Variants in BBX observed in about 807,000 individuals in gnomAD.
BBX encodes BBX high mobility group box domain containing.
BBX carries 30 observed loss-of-function variants against 100.2 expected under a neutral mutation model. The observed-to-expected ratio is 0.30, with a 90% CI of 0.22 to 0.41. The LOEUF is 0.41. Among genes scored for constraint, BBX ranks in the 10% least tolerant of loss-of-function variants. BBX has a pLI of 1.00. For missense variants in BBX, 1,023 were observed against 1,129.8 expected, an observed-to-expected ratio of 0.91 and a Z score of 1.35; for synonymous variants, 376 against 388.1, an observed-to-expected ratio of 0.97 and a Z score of 0.37.
At chr3:107,748,795 C>T (rs1439104885) in intron 9 of BBX, among the ~76,000 whole-genome samples, 3 of 152,062 alleles carry the variant, frequency 2.0e-5, no homozygotes, top group African/African-American at 7.2e-5. Flanking sequence ...CTAAAAAATG[C>T]ATGTCATAAA....
At chr3:107,715,113 G>A (rs753420216) in intron 4 of BBX, among the ~76,000 whole-genome samples, 9 of 152,122 alleles carry the variant, frequency 5.9e-5, no homozygotes, top group Non-Finnish European at 1.2e-4. Context: ...GTTGGATTAA[G>A]CAGGTGATTA....
At chr3:107,753,665 C>CA (rs1261718408) in intron 9 of BBX, among the ~76,000 whole-genome samples, 2 of 152,120 alleles carry the variant, frequency 1.3e-5, no homozygotes, top group African/African-American at 4.8e-5. Flanking sequence ...GAGTGACACA[C>CA]ACGGGGAACA....
In BBX at chr3:107,774,806, G is replaced by A. The variant is rs1413160328; in HGVS notation, c.2003G>A (p.Ser668Asn). The A allele has an allele frequency of 6.2e-7, 1 of 1,613,636 alleles. No individual in the cohort carries two copies. Among genetic ancestry groups the A allele is most frequent in the East Asian group, 2.2e-5 (1 of 44,868 alleles). Residue 668 changes from serine (S) to asparagine (N), a missense_variant, in exon 12 of 18, where the codon AGT becomes AAT. Around this residue, in one of 9 missense-constraint regions of BBX, gnomAD observed 215 missense variants for 211.3 expected, o/e 1.02. Coordinates refer to ENST00000325805, the MANE Select transcript of BBX (RefSeq NM_001142568.3). ...ESWTFSQSGTSGSKKFKKTKP... is the reference protein window; with the variant it reads ...ESWTFSQSGTNGSKKFKKTKP... The stretch of plus-strand genomic sequence containing the variant: ...TGGACATTTAGTCAGAGTGGGACCA[G>A]TGGGAGCAAGAAGTTCAAGAAGACA...
intron 2 of BBX, among the ~76,000 whole-genome samples, chr3:107,543,142 A>G (rs2048980595): frequency 6.6e-6 from 1 of 152,224 alleles, no homozygotes; most frequent in African/African-American, 2.4e-5. Context: ...GATTCAGATA[A>G]CTTAAATCCA....
chr3:107,581,507 A>G (rs1238791060), intron 2 of BBX, among the ~76,000 whole-genome samples: 1 of 151,644 alleles, frequency 6.6e-6, no homozygotes, highest in Non-Finnish European at 1.5e-5. Flanking sequence ...TACTTTGCAT[A>G]TACTAGATAG....
intron 2 of BBX, among the ~76,000 whole-genome samples, chr3:107,577,150 C>T (rs561993362): frequency 5.9e-5 from 9 of 152,264 alleles, no homozygotes; most frequent in Middle Eastern, 3.4e-3. Flanking sequence ...TAAGCGCTAC[C>T]GTGCCTGGCT....
chr3:107,789,092 T>C (rs1388788279), intron 13 of BBX, among the ~76,000 whole-genome samples: 1 of 152,058 alleles, frequency 6.6e-6, no homozygotes, highest in Non-Finnish European at 1.5e-5. Context: ...AGGCAGAGCA[T>C]GTAGTTGCAG....
At chr3:107,760,511 G>A (rs574284126) in intron 10 of BBX, among the ~76,000 whole-genome samples, 3 of 152,320 alleles carry the variant, frequency 2.0e-5, no homozygotes, top group African/African-American at 7.2e-5. Context: ...CTGTCCTCAA[G>A]GAGCTTATTC....
intron 2 of BBX, among the ~76,000 whole-genome samples, chr3:107,544,637 A>G (rs1200565698): frequency 3.3e-5 from 5 of 152,100 alleles, no homozygotes; most frequent in Non-Finnish European, 7.4e-5. Context: ...TGGGAAGGCC[A>G]AGGCGGGCAG....
chr3:107,690,939 A>G (rs1449368547), intron 3 of BBX, among the ~76,000 whole-genome samples: 1 of 99,492 alleles, frequency 1.0e-5, no homozygotes, highest in Non-Finnish European at 1.8e-5. Flanking sequence ...TCATTCTGTT[A>G]CCCAGGCTGA....
chr3:107,789,966 CT>C, intron 14 of BBX, 90 bp downstream of exon 14: 1 of 1,014,210 alleles, frequency 9.9e-7, no homozygotes, highest in Non-Finnish European at 1.4e-6. Context: ...CTGCCTTTGC[CT>C]TGTCCTCCCC....
At chr3:107,758,518 CCT>C (rs2065657234) in intron 10 of BBX, among the ~76,000 whole-genome samples, 1 of 152,058 alleles carries the variant, frequency 6.6e-6, no homozygotes, top group Admixed American at 6.5e-5. Flanking sequence ...GGTAGAGATG[CCT>C]TTGCTCGGGA....
intron 2 of BBX, among the ~76,000 whole-genome samples, chr3:107,543,902 G>A (rs1252939478): frequency 6.6e-6 from 1 of 152,176 alleles, no homozygotes; most frequent in Non-Finnish European, 1.5e-5. Context: ...TGTGTACTGC[G>A]ACGCCTCATG....
chr3:107,700,181 G>A (rs1199086768), intron 3 of BBX, among the ~76,000 whole-genome samples: 4 of 151,768 alleles, frequency 2.6e-5, no homozygotes, highest in Non-Finnish European at 5.9e-5. Flanking sequence ...ATAAACTATT[G>A]ACAGTTCATC....
chr3:107,774,666 C>G, intron 11 of BBX, 53 bp from the exon 12 acceptor site: 1 of 1,570,508 alleles, frequency 6.4e-7, no homozygotes, highest in East Asian at 2.2e-5. Context: ...CTAACATCAT[C>G]TCCCCTCGCC....
At chr3:107,793,988 TG>T (rs2069332015) in intron 15 of BBX, among the ~76,000 whole-genome samples, 1 of 152,114 alleles carries the variant, frequency 6.6e-6, no homozygotes, top group Non-Finnish European at 1.5e-5. Flanking sequence ...TCGGTATATA[TG>T]TATTAAAAAA....
At chr3:107,649,678 T>TG (rs1262894931) in intron 3 of BBX, among the ~76,000 whole-genome samples, 2 of 152,216 alleles carry the variant, frequency 1.3e-5, no homozygotes, top group Non-Finnish European at 2.9e-5. Context: ...TCCACACACC[T>TG]GCCAAGGGTT....
intron 10 of BBX, among the ~76,000 whole-genome samples, chr3:107,765,786 G>A (rs372413272): frequency 6.6e-6 from 1 of 152,164 alleles, no homozygotes; most frequent in African/African-American, 2.4e-5. Context: ...ATGGGAGGAT[G>A]GGAGAGGCCA....
chr3:107,784,712 C>A (rs2068241859), intron 13 of BBX, among the ~76,000 whole-genome samples: 1 of 151,616 alleles, frequency 6.6e-6, no homozygotes, highest in African/African-American at 2.4e-5. Context: ...AGAAAGAAAT[C>A]TCAAATAAGT....
Sources: gnomAD v4.1 joint callset for allele counts (sites outside exome capture counted in the v4.1 genomes callset) on GRCh38, gnomAD v4.1.1 for gene constraint, gnomAD v4.1.1 regional missense constraint, MANE v1.5 for transcripts, NCBI Gene and HGNC (gene_info 2026-07-23, HGNC 2026-07-21) for gene names.